The following PTGES3 variants were observed in gnomAD, a reference collection of about 807,000 sequenced individuals.
PTGES3 encodes the protein Hsp90 co-chaperone.
Under a neutral mutation model 29.9 loss-of-function variants are expected in PTGES3, and 5 were observed. That is an observed-to-expected ratio of 0.17 (90% CI 0.09 to 0.35). The LOEUF (loss-of-function observed/expected upper bound fraction) is 0.35. Among genes scored for constraint, PTGES3 ranks in the 10% least tolerant of loss-of-function variants. The pLI is 1.00. For synonymous variants in PTGES3, 49 were observed against 57.8 expected, an observed-to-expected ratio of 0.85 and a Z score of 0.69; for missense variants, 128 against 190.0, an observed-to-expected ratio of 0.67 and a Z score of 1.92.
rs1483150783 is a variant in PTGES3 at position 56,666,197 on chromosome 12, G to C, written c.438+7C>G. The C allele has an allele frequency of 1.9e-6, 3 of 1,603,696 alleles. No homozygotes were observed. Among genetic ancestry groups the C allele is most frequent in the Non-Finnish European group, 2.6e-6 (3 of 1,175,732 alleles). ...AAGTAAACAGAAAAAAGAATTTTTA[G>C]ACTTACATCATCTGCTCCATCTACT... On this transcript the variant is annotated splice_region_variant and intron_variant, in intron 6 of 7. Transcript: ENST00000262033.
intron 1 of PTGES3, chr12:56,687,677 GC>G: frequency 7.9e-7 from 1 of 1,269,998 alleles, no homozygotes; most frequent in Non-Finnish European, 9.9e-7. Flanking sequence ...GCGCCGCATG[GC>G]GAGCAGCTAC....
chr12:56,679,535 T>C (rs1952430283), intron 1 of PTGES3, among the ~76,000 whole-genome samples: 1 of 152,086 alleles, frequency 6.6e-6, no homozygotes, highest in Non-Finnish European at 1.5e-5. Flanking sequence ...GGGATATTAC[T>C]ATTAAAATGA....
At position 56,687,020 on chromosome 12, in the gene PTGES3, A is replaced by C. The variant is rs1241745207; in HGVS notation, c.2+978T>G. On this transcript the variant is annotated intron_variant, in intron 1 of 7. Transcript: ENST00000262033. ...AACCTCCCGTCAAAAAAAAAAAAAA[A>C]AAAAAAAAAACCCTGTAAAACCGGC... 3.0e-3 allele frequency: 1,158 copies of C among 391,298 alleles called. 27 individuals are homozygous for C. The highest frequency in any genetic ancestry group is 0.022 in the African/African-American group (1,051 of 48,100). 24.2% of individuals were successfully genotyped at this position (391,298 alleles called of 1,614,324 possible).
At chr12:56,675,553 TAA>T (rs2137650983) in intron 1 of PTGES3, among the ~76,000 whole-genome samples, 1 of 139,260 alleles carries the variant, frequency 7.2e-6, no homozygotes, top group Admixed American at 7.3e-5. Flanking sequence ...GTGAATGAGA[TAA>T]GAGATATTTG....
intron 1 of PTGES3, 33 bp from the exon 2 acceptor site, chr12:56,673,098 G>T (rs1952071043): frequency 2.1e-6 from 3 of 1,437,358 alleles, no homozygotes; most frequent in Non-Finnish European, 2.9e-6. Flanking sequence ...AAGTCAAGCT[G>T]GAATTCATTA....
At chr12:56,682,706 C>T (rs1952601607) in intron 1 of PTGES3, among the ~76,000 whole-genome samples, 1 of 87,084 alleles carries the variant, frequency 1.1e-5, no homozygotes, top group Admixed American at 1.6e-4. Context: ...GGTAAGATCC[C>T]GTCTCCATTT....
intron 1 of PTGES3, among the ~76,000 whole-genome samples, chr12:56,676,138 G>GT (rs1247776256): frequency 1.7e-3 from 249 of 145,566 alleles, no homozygotes; most frequent in African/African-American, 3.3e-3. Flanking sequence ...GGAGGGGGAG[G>GT]GGGAGGGGGA....
chr12:56,688,171 G>A lies in PTGES3; in HGVS notation c.-172C>T, dbSNP rs1033784306. The A allele has an allele frequency of 4.1e-6, 5 of 1,215,678 alleles. No homozygotes were observed. Among genetic ancestry groups the A allele is most frequent in the South Asian group, 1.8e-5 (1 of 56,086 alleles). 75.3% of individuals were successfully genotyped at this position (1,215,678 alleles called of 1,614,324 possible). On this transcript the variant is annotated 5_prime_UTR_variant, in exon 1 of 8. Transcript: ENST00000262033. ...GCGGCGGGCTCGACCTCGGGCCCCAGAATGCACCGCGCGGAAAGAGCGGCT... is the reference window on the plus strand; with the variant it reads ...GCGGCGGGCTCGACCTCGGGCCCCAAAATGCACCGCGCGGAAAGAGCGGCT...
intron 1 of PTGES3, among the ~76,000 whole-genome samples, chr12:56,681,023 C>T (rs940737612): frequency 2.6e-5 from 4 of 152,022 alleles, no homozygotes; most frequent in Non-Finnish European, 5.9e-5. Flanking sequence ...GCATCCACCC[C>T]GGCCTCCCAA....
At chr12:56,680,153 T>C (rs1952461370) in intron 1 of PTGES3, among the ~76,000 whole-genome samples, 1 of 150,068 alleles carries the variant, frequency 6.7e-6, no homozygotes, top group Non-Finnish European at 1.5e-5. Context: ...CTCACTGCAA[T>C]CTTCACTTCC....
chr12:56,675,538 A>G (rs1952198640), intron 1 of PTGES3, among the ~76,000 whole-genome samples: 1 of 151,740 alleles, frequency 6.6e-6, no homozygotes, highest in Admixed American at 6.6e-5. Flanking sequence ...AAAAAAAAAA[A>G]AAATGTGAAT....
chr12:56,670,603 C>T, intron 4 of PTGES3: 1 of 475,288 alleles, frequency 2.1e-6, no homozygotes, highest in Non-Finnish European at 3.8e-6. Context: ...TCCCCGCTTC[C>T]TGGGACAACA....
chr12:56,664,615 G>A (rs1414386707), intron 7 of PTGES3, 117 bp from the exon 8 acceptor site: 1 of 1,377,968 alleles, frequency 7.3e-7, no homozygotes, highest in African/African-American at 1.5e-5. Context: ...TGAATTAATA[G>A]GTTGTCTTGC....
chr12:56,687,179 A>T, intron 1 of PTGES3: 1 of 1,039,656 alleles, frequency 9.6e-7, no homozygotes, highest in Non-Finnish European at 1.2e-6. Flanking sequence ...CTTTGGGACG[A>T]CTGTAGGTTA....
At chr12:56,675,063 A>T (rs1952175958) in intron 1 of PTGES3, among the ~76,000 whole-genome samples, 1 of 144,240 alleles carries the variant, frequency 6.9e-6, no homozygotes, top group South Asian at 2.2e-4. Flanking sequence ...GCACTTTGGG[A>T]GGCAGAGGCA....
chr12:56,673,133 C>T lies in PTGES3; in HGVS notation c.3-68G>A, dbSNP rs1056506729. On this transcript the variant is annotated intron_variant, in intron 1 of 7. Coordinates refer to ENST00000262033, the MANE Select transcript of PTGES3 (RefSeq NM_006601.7). ...AACTAAACATTCACATACTAACCTT[C>T]GACACCATTATAGCATTATTTCAGG... 1.2e-5 allele frequency: 12 copies of T among 1,031,672 alleles called. No individual in the cohort carries two copies. The South Asian group carries it at 1.4e-4, about 12-fold the overall frequency. The allele number at this position is 1,031,672 out of a possible 1,614,324, so 63.9% of individuals were successfully genotyped here.
chr12:56,683,886 G>C (rs1332174621), intron 1 of PTGES3, among the ~76,000 whole-genome samples: 1 of 150,900 alleles, frequency 6.6e-6, no homozygotes, highest in African/African-American at 2.4e-5. Flanking sequence ...GTGAACCCCA[G>C]GGGGCGGAGC....
At chr12:56,678,420 AC>A (rs1952369461) in intron 1 of PTGES3, among the ~76,000 whole-genome samples, 1 of 151,968 alleles carries the variant, frequency 6.6e-6, no homozygotes, top group South Asian at 2.1e-4. Context: ...CAGGTGAGCC[AC>A]CCGCCTCAGC....
At position 56,688,080 on chromosome 12, in the gene PTGES3, C is replaced by T. The variant is rs1334748292; in HGVS notation, c.-81G>A. 1.9e-5 allele frequency: 27 copies of T among 1,444,244 alleles called. No individual in the cohort carries two copies. The East Asian group carries it at 4.1e-4, about 22-fold the overall frequency. The allele number at this position is 1,444,244 out of a possible 1,614,324, so 89.5% of individuals were successfully genotyped here. On this transcript the variant is annotated 5_prime_UTR_variant, in exon 1 of 8. Transcript: ENST00000262033. ...TGCTGCTAGGGAGTCGACTTCTCTC[C>T]GGTGGCGACTCCGCTTTTTCTCTCC...
Sources: gnomAD v4.1 joint callset for allele counts (sites outside exome capture counted in the v4.1 genomes callset) on GRCh38, gnomAD v4.1.1 for gene constraint, MANE v1.5 for transcripts, NCBI Gene and HGNC (gene_info 2026-07-23, HGNC 2026-07-21) for gene names.